The following TAF4 variants were observed in gnomAD, a reference collection of about 807,000 sequenced individuals.
TAF4 encodes the protein transcription initiation factor TFIID subunit 4.
A neutral mutation model predicts 90.3 loss-of-function variants in TAF4; 9 were observed. That is an observed-to-expected ratio of 0.10 (90% confidence interval 0.06 to 0.17). The LOEUF (loss-of-function observed/expected upper bound fraction) is 0.17. TAF4 is among the 10% of genes least tolerant of loss of function. TAF4 has a pLI of 1.00. For missense variants in TAF4, 1,351 were observed against 1,370.7 expected (o/e 0.99, Z 0.23); for synonymous variants, 818 against 638.9 (o/e 1.28, Z -4.23).
At chr20:62,013,263 A>G (rs2055790411) in intron 2 of TAF4, among the ~76,000 whole-genome samples, 1 of 152,212 alleles carries the variant, frequency 6.6e-6, no homozygotes, top group South Asian at 2.1e-4. Flanking sequence ...AAAGGATGCA[A>G]AGGCAGACGG....
intron 14 of TAF4, 104 bp downstream of exon 14, chr20:61,997,445 GT>G (rs1336984861): frequency 6.1e-6 from 8 of 1,305,940 alleles, no homozygotes; most frequent in Non-Finnish European, 7.9e-6. Flanking sequence ...AATGTAAATG[GT>G]AAGAAAGCAA....
In TAF4 at chr20:62,003,213, T is replaced by G. The variant is rs1568928560; in HGVS notation, c.2433A>C (p.Gln811His). 1.3e-5 allele frequency: 21 copies of G among 1,614,036 alleles called. No homozygotes were observed. The highest frequency in any genetic ancestry group is 1.6e-5 in the Non-Finnish European group (19 of 1,180,038). The change falls in exon 9 of 15, where the codon CAA (glutamine) becomes CAC (histidine). Residue 811 changes from glutamine to histidine, a missense_variant. Gln to His is a conservative substitution (Grantham distance 24, BLOSUM62 0). Transcript: ENST00000252996. ...GTTTATTTTTCTGTGCAGCAGCTGC[T>G]TGTGCCGAGACAGCAGAAAGGGCTT... ...GTKALSAVSA[Q>H]AAAAQKNKLK...
intron 1 of TAF4, among the ~76,000 whole-genome samples, chr20:62,044,158 G>A (rs371711326): frequency 6.6e-6 from 1 of 152,050 alleles, no homozygotes; most frequent in Admixed American, 6.6e-5. Context: ...TTTTTTTTAA[G>A]TTTTAGTGCT....
At chr20:62,047,958 G>A (rs772396556) in intron 1 of TAF4, among the ~76,000 whole-genome samples, 11 of 152,140 alleles carry the variant, frequency 7.2e-5, no homozygotes, top group Non-Finnish European at 1.3e-4. Flanking sequence ...CCCCGGGACC[G>A]CCCCACATCA....
intron 1 of TAF4, among the ~76,000 whole-genome samples, chr20:62,033,997 G>A (rs967040533): frequency 3.3e-5 from 5 of 150,974 alleles, no homozygotes; most frequent in African/African-American, 7.3e-5. Context: ...AGCCAAGACC[G>A]CGCCACTGCA....
chr20:61,998,889 C>G (rs2055680136), intron 12 of TAF4, 94 bp downstream of exon 12: 2 of 1,529,392 alleles, frequency 1.3e-6, no homozygotes, highest in African/African-American at 1.4e-5. Context: ...AAAACATGCT[C>G]TGACCACCCA....
At position 62,036,304 on chromosome 20, in the gene TAF4, C is replaced by T. The variant is rs1312238115; in HGVS notation, c.1361-21597G>A. Among the ~76,000 whole-genome samples the T allele has an allele frequency of 3.3e-5, 5 of 152,340 alleles. No individual in the cohort carries two copies. The East Asian group carries it at 7.7e-4, about 23-fold the overall frequency. The stretch of plus-strand genomic sequence containing the variant: ...CCTCCCGAAGTGCTGGGATGACAGG[C>T]GTGAGCCACCGCGCCTGGCTCATTA... On this transcript the variant is annotated intron_variant, in intron 1 of 14. Coordinates refer to ENST00000252996, the MANE Select transcript of TAF4 (RefSeq NM_003185.4).
chr20:62,032,654 A>C (rs749442367), intron 1 of TAF4, among the ~76,000 whole-genome samples: 2 of 152,254 alleles, frequency 1.3e-5, no homozygotes, highest in African/African-American at 2.4e-5. Context: ...ATTTCAAGAA[A>C]ACTGAGGTCA....
chr20:61,998,023 G>C (rs1211082395), intron 13 of TAF4, 113 bp downstream of exon 13: 3 of 995,546 alleles, frequency 3.0e-6, no homozygotes, highest in Non-Finnish European at 4.5e-6. Flanking sequence ...ATTTTAAACA[G>C]ACACGCAAAT....
intron 1 of TAF4, among the ~76,000 whole-genome samples, chr20:62,015,737 C>T (rs2055808603): frequency 6.6e-6 from 1 of 152,202 alleles, no homozygotes; most frequent in Non-Finnish European, 1.5e-5. Context: ...GGCCTGAAAA[C>T]CTCCTGTTGG....
In TAF4 at chr20:62,010,669, C is replaced by G. The variant is rs1007092538; in HGVS notation, c.1642-504G>C. 5.9e-5 allele frequency among the ~76,000 whole-genome samples: 9 copies of G among 152,116 alleles called. No homozygotes were observed. Among genetic ancestry groups the G allele is most frequent in the African/African-American group, 2.2e-4 (9 of 41,422 alleles). Reference sequence around the variant, plus strand: ...CCAGCTCCCTGCAATCACCCAAACCCACCTTTCTTTACTCCCCAAAAGTGA... The same window carrying G: ...CCAGCTCCCTGCAATCACCCAAACCGACCTTTCTTTACTCCCCAAAAGTGA... On this transcript the variant is annotated intron_variant, in intron 3 of 14. Transcript: ENST00000252996. This position sits in a 1 kb window ranked among gnomAD's most constrained non-coding sequence, Gnocchi z 4.5.
chr20:61,981,337 A>C (rs12373885), intron 14 of TAF4: 70,261 of 152,068 alleles, frequency 0.46, 17,416 homozygotes, highest in Middle Eastern at 0.64. Context: ...CAAGAAAATT[A>C]ACAACACTCT....
intron 1 of TAF4, among the ~76,000 whole-genome samples, chr20:62,029,682 C>T (rs571124950): frequency 6.6e-6 from 1 of 152,056 alleles, no homozygotes; most frequent in Non-Finnish European, 1.5e-5. Context: ...CCGAGGCAGG[C>T]GGATCACGAG....
intron 1 of TAF4, among the ~76,000 whole-genome samples, chr20:62,022,581 A>G (rs1473755233): frequency 1.3e-5 from 2 of 152,136 alleles, no homozygotes; most frequent in Non-Finnish European, 2.9e-5. Context: ...CCAGATGTGG[A>G]AAGGGCCCCT....
At chr20:62,064,246 C>T (rs895611159) in intron 1 of TAF4, 1 of 482,364 alleles carries the variant, frequency 2.1e-6, no homozygotes, top group Non-Finnish European at 3.3e-6. Flanking sequence ...GACAGGGACG[C>T]AGGCTATGCC....
intron 5 of TAF4, 95 bp from the exon 6 acceptor site, chr20:62,007,731 T>G: frequency 8.3e-7 from 1 of 1,208,152 alleles, no homozygotes; most frequent in Non-Finnish European, 1.2e-6. Flanking sequence ...TTACGGCTGA[T>G]TCCGCCCCGA....
intron 14 of TAF4, among the ~76,000 whole-genome samples, chr20:61,987,362 G>A (rs371198858): frequency 4.6e-5 from 7 of 152,314 alleles, no homozygotes; most frequent in East Asian, 3.9e-4. Context: ...AGGAAAGGAC[G>A]TCGAGGACAC....
At chr20:61,998,006 G>T in intron 13 of TAF4, 130 bp downstream of exon 13, 2 of 876,508 alleles carry the variant, frequency 2.3e-6, no homozygotes, top group Non-Finnish European at 3.4e-6. Context: ...ATTTAAACTT[G>T]GCAAACATTT....
At chr20:62,024,080 A>T (rs1260277926) in intron 1 of TAF4, among the ~76,000 whole-genome samples, 1 of 152,172 alleles carries the variant, frequency 6.6e-6, no homozygotes, top group Non-Finnish European at 1.5e-5. Context: ...CCCCGTCTAA[A>T]AAAAGCTCCA....
Sources: allele counts gnomAD v4.1 joint callset (sites outside exome capture counted in the v4.1 genomes callset), GRCh38; gene constraint gnomAD v4.1.1; non-coding constraint Gnocchi (gnomAD v3.1); transcripts MANE v1.5; gene names NCBI Gene and HGNC (gene_info 2026-07-23, HGNC 2026-07-21).